MFSD11: variants seen among roughly 807,000 people sequenced by gnomAD.
The protein encoded by MFSD11 is UNC93-like protein MFSD11.
In MFSD11, 36 loss-of-function variants were observed where a neutral mutation model predicts 53.5. That is an observed-to-expected ratio of 0.67 (90% CI 0.52 to 0.89). The LOEUF (loss-of-function observed/expected upper bound fraction) is 0.89. Among genes scored for constraint, MFSD11 ranks in the 40% least tolerant of loss-of-function variants. The pLI, the probability that MFSD11 is intolerant of heterozygous loss-of-function variation, is 0.00. For missense variants in MFSD11, 530 were observed against 543.9 expected (o/e 0.97, Z 0.25); for synonymous variants, 186 against 184.9 (o/e 1.01, Z -0.05).
intron 7 of MFSD11, among the ~76,000 whole-genome samples, chr17:76,751,692 C>A (rs970272216): frequency 1.2e-4 from 17 of 143,456 alleles, no homozygotes; most frequent in Non-Finnish European, 2.4e-4. Context: ...GAGCAAGACT[C>A]GGTCTCAAAA....
the MFSD11 span, among the ~76,000 whole-genome samples, chr17:76,798,452 C>T: frequency 6.6e-6 from 1 of 152,154 alleles, no homozygotes; most frequent in Non-Finnish European, 1.5e-5. Flanking sequence ...AAACGCCCAA[C>T]CTTCTAATCA....
At chr17:76,803,050 G>C in the MFSD11 span, among the ~76,000 whole-genome samples, 34 of 151,876 alleles carry the variant, frequency 2.2e-4, no homozygotes, top group Admixed American at 1.3e-3. Context: ...CCAGCTACTC[G>C]AGAGGCTGAG....
chr17:76,747,110 C>CT (rs2078624161), intron 7 of MFSD11, among the ~76,000 whole-genome samples: 2 of 152,038 alleles, frequency 1.3e-5, no homozygotes, highest in Non-Finnish European at 2.9e-5. Context: ...TTAAGAAATA[C>CT]ATTTCATGAG....
the MFSD11 span, among the ~76,000 whole-genome samples, chr17:76,793,375 C>T: frequency 1.3e-5 from 2 of 151,498 alleles, no homozygotes; most frequent in South Asian, 2.1e-4. Context: ...CAATATTTCT[C>T]CCATTTGCTT....
chr17:76,742,898 C>T (rs1355468811), intron 5 of MFSD11, among the ~76,000 whole-genome samples: 3 of 152,206 alleles, frequency 2.0e-5, no homozygotes, highest in Non-Finnish European at 4.4e-5. Context: ...TCATGAATCG[C>T]GCCTAAAATT....
chr17:76,765,737 G>A (rs2080790050), intron 8 of MFSD11, among the ~76,000 whole-genome samples: 6 of 152,062 alleles, frequency 3.9e-5, no homozygotes, highest in Admixed American at 3.3e-4. Flanking sequence ...TTATAGGCAT[G>A]AGCCACCAGG....
intron 8 of MFSD11, among the ~76,000 whole-genome samples, chr17:76,762,804 C>T (rs186869672): frequency 4.7e-4 from 71 of 151,768 alleles, no homozygotes; most frequent in East Asian, 1.5e-3. Context: ...TAAGCACCGG[C>T]GGGAAATCAA....
At chr17:76,762,171 T>A (rs2080324435) in intron 8 of MFSD11, among the ~76,000 whole-genome samples, 1 of 152,168 alleles carries the variant, frequency 6.6e-6, no homozygotes, top group South Asian at 2.1e-4. Flanking sequence ...TGTCTATAGA[T>A]ATGCTTATTC....
At chr17:76,781,939 A>G (rs2082172996), downstream of MFSD11, among the ~76,000 whole-genome samples, 2 of 151,814 alleles carry the variant, frequency 1.3e-5, no homozygotes. Context: ...TTCCGGCCTC[A>G]GTCTCCCAAG....
chr17:76,769,981 AT>A, intron 10 of MFSD11, 110 bp downstream of exon 10: 1 of 902,170 alleles, frequency 1.1e-6, no homozygotes, highest in Non-Finnish European at 1.6e-6. Flanking sequence ...TTTTCTACTT[AT>A]TTTTACCCAA....
At chr17:76,786,176 G>T (rs2082272204), downstream of MFSD11, among the ~76,000 whole-genome samples, 1 of 132,902 alleles carries the variant, frequency 7.5e-6, no homozygotes, top group Admixed American at 8.3e-5. Context: ...ACGGAGTGTT[G>T]CTCTGTCACC....
Position 76,738,993 on chromosome 17 carries a change from G to T in MFSD11, c.152G>T (p.Ser51Ile). The change falls in exon 2 of 13, where the codon AGC (serine) becomes ATC (isoleucine). Residue 51 changes from serine (S) to isoleucine (I), a missense_variant and splice_region_variant. Transcript: ENST00000685175. The stretch of plus-strand genomic sequence containing the variant: ...GATTTTCACGGCAGTGGATATACCA[G>T]GTATTGTACCGTATGATTGATTTTG... Reference protein sequence around the residue: ...RTDFHGSGYTSMAIIYGVFSA... With the variant: ...RTDFHGSGYTIMAIIYGVFSA... The T allele has an allele frequency of 6.2e-7, 1 of 1,611,928 alleles. No homozygotes were observed. Among genetic ancestry groups the T allele is most frequent in the Non-Finnish European group, 8.5e-7 (1 of 1,178,048 alleles).
chr17:76,740,561 G>A (rs949815075), intron 2 of MFSD11, among the ~76,000 whole-genome samples: 1 of 152,130 alleles, frequency 6.6e-6, no homozygotes, highest in African/African-American at 2.4e-5. Flanking sequence ...CCACCCAGCT[G>A]GACTTTTGGC....
At chr17:76,790,075 C>CT in the MFSD11 span, among the ~76,000 whole-genome samples, 5,575 of 135,934 alleles carry the variant, frequency 0.041, 428 homozygotes, top group African/African-American at 0.12. Context: ...CATTTCTTTT[C>CT]TTTTTTTTTT....
intron 7 of MFSD11, among the ~76,000 whole-genome samples, chr17:76,746,526 G>C (rs958825899): frequency 6.6e-6 from 1 of 152,256 alleles, no homozygotes; most frequent in African/African-American, 2.4e-5. Flanking sequence ...AGTTAATGCC[G>C]GGCTTTAAAC....
intron 7 of MFSD11, among the ~76,000 whole-genome samples, chr17:76,745,909 C>G (rs2078503555): frequency 1.3e-5 from 2 of 152,086 alleles, no homozygotes; most frequent in Admixed American, 1.3e-4. Context: ...CTCACTGCAG[C>G]CTCTGCCTCA....
chr17:76,778,077 C>T (rs2082004311), intron 12 of MFSD11, 111 bp from the exon 13 acceptor site: 4 of 970,868 alleles, frequency 4.1e-6, no homozygotes, highest in Admixed American at 2.2e-5. Context: ...GAATAGAAAG[C>T]ACTGTGAGTT....
the MFSD11 span, among the ~76,000 whole-genome samples, chr17:76,803,576 C>T: frequency 1.3e-5 from 2 of 152,130 alleles, no homozygotes; most frequent in Non-Finnish European, 2.9e-5. Flanking sequence ...TGGCACCACC[C>T]AGATCGATAA....
At chr17:76,744,586 C>T in intron 7 of MFSD11, 120 bp downstream of exon 7, 1 of 811,170 alleles carries the variant, frequency 1.2e-6, no homozygotes, top group Non-Finnish European at 1.8e-6. Flanking sequence ...TTACCACAGG[C>T]AAGAAAAGGA....
Sources: allele counts gnomAD v4.1 joint callset (sites outside exome capture counted in the v4.1 genomes callset), GRCh38; gene constraint gnomAD v4.1.1; transcripts MANE v1.5; gene names NCBI Gene and HGNC (gene_info 2026-07-23, HGNC 2026-07-21).